C5AR1: variants seen among roughly 807,000 people sequenced by gnomAD.
The protein encoded by C5AR1 is complement C5a receptor 1.
Under a neutral mutation model 2.4 loss-of-function variants are expected in C5AR1, and 4 were observed. The ratio of observed to expected loss-of-function variants is 1.65; its 90% CI spans 0.81 to 3.77. C5AR1 has a LOEUF of 3.77. Among genes scored for constraint, C5AR1 ranks in the 30% most tolerant of loss-of-function variants. The pLI, the probability that C5AR1 is intolerant of heterozygous loss-of-function variation, is 0.01. For missense variants in C5AR1, 418 were observed against 462.5 expected, an observed-to-expected ratio of 0.90 and a Z score of 0.88; for synonymous variants, 209 against 210.4, an observed-to-expected ratio of 0.99 and a Z score of 0.06.
Position 47,309,894 on chromosome 19 carries a change from A to G in C5AR1, c.-2A>G. The G allele has an allele frequency of 6.2e-7, 1 of 1,612,894 alleles. No homozygotes were observed. Among genetic ancestry groups the G allele is most frequent in the Non-Finnish European group, 8.5e-7 (1 of 1,179,424 alleles). ...TCCTCGGGGAGCCCAGGAGACCAGA[A>G]CATGGTGAGTCTCGAAGGGGAATGG... On this transcript the variant is annotated 5_prime_UTR_variant, in exon 1 of 2. Coordinates refer to ENST00000355085, the MANE Select transcript of C5AR1 (RefSeq NM_001736.4).
intron 1 of C5AR1, 48 bp from the exon 2 acceptor site, chr19:47,319,733 G>A (rs1032829565): frequency 3.2e-6 from 4 of 1,264,512 alleles, no homozygotes; most frequent in Non-Finnish European, 4.5e-6. Context: ...CCCTACCCGG[G>A]CACATGTCTG....
At chr19:47,319,026 C>A (rs1229066096) in intron 1 of C5AR1, among the ~76,000 whole-genome samples, 1 of 151,468 alleles carries the variant, frequency 6.6e-6, no homozygotes, top group Non-Finnish European at 1.5e-5. Flanking sequence ...GCTGGGATTA[C>A]AGGCGCCCAC....
chr19:47,320,887 C>T lies in C5AR1; in HGVS notation c.*57C>T, dbSNP rs1300686896. On this transcript the variant is annotated 3_prime_UTR_variant, in exon 2 of 2. Transcript: ENST00000355085. This position sits in a 1 kb window ranked among gnomAD's most constrained non-coding sequence, Gnocchi z 4.9. ...GTCCCCTTCCTTCCCGGCCATTCTC[C>T]CTCTTGTTTTCACTTCACTTTTCGT... The T allele has an allele frequency of 6.8e-7, 1 of 1,475,272 alleles. No individual in the cohort carries two copies. The allele number at this position is 1,475,272 out of a possible 1,614,324, so 91.4% of individuals were successfully genotyped here.
intron 1 of C5AR1, among the ~76,000 whole-genome samples, chr19:47,317,201 A>G (rs2059292310): frequency 6.6e-6 from 1 of 150,692 alleles, no homozygotes; most frequent in Admixed American, 6.6e-5. Context: ...TCAAAAAAAA[A>G]AAAAAAAAAA....
intron 1 of C5AR1, among the ~76,000 whole-genome samples, 158 bp downstream of exon 1, chr19:47,310,056 C>G (rs1206318157): frequency 6.6e-6 from 1 of 152,192 alleles, no homozygotes; most frequent in African/African-American, 2.4e-5. Flanking sequence ...CCTTCCCTCT[C>G]TCCTGCATCC....
rs4804049 is a variant in C5AR1 at position 47,320,227 on chromosome 19, T to C, written c.450T>C (p.Ala150=). Residue 150 remains alanine (A), a synonymous_variant, in exon 2 of 2, where the codon GCT becomes GCC. Transcript: ENST00000355085. This position sits in a 1 kb window ranked among gnomAD's most constrained non-coding sequence, Gnocchi z 4.9. ...KPIWCQNFRG[A]GLAWIACAVA... ...TCTGGTGCCAGAACTTCCGAGGGGC[T>C]GGCTTGGCCTGGATCGCCTGTGCCG... The C allele has an allele frequency of 0.99, 1,593,120 of 1,614,130 alleles. 786,282 individuals are homozygous for C. Among genetic ancestry groups the C allele is most frequent in the East Asian group, 1 (44,875 of 44,878 alleles).
chr19:47,319,793 T>A lies in C5AR1; in HGVS notation c.16T>A (p.Tyr6Asn). Residue 6 changes from tyrosine (Y) to asparagine (N), a missense_variant, in exon 2 of 2, where the codon TAT becomes AAT. Tyr to Asn is a moderately radical substitution (Grantham distance 143). Coordinates refer to ENST00000355085, the MANE Select transcript of C5AR1 (RefSeq NM_001736.4). MDSFNYTTPDYGHYDD... is the reference protein window; with the variant it reads MDSFNNTTPDYGHYDD... ...CGATTCCCCTTAGGACTCCTTCAAT[T>A]ATACCACCCCTGATTATGGGCACTA... 1 of 1,609,112 alleles carries A rather than the reference T, an allele frequency of 6.2e-7. No homozygotes were observed.
chr19:47,319,444 G>C (rs1368760352), intron 1 of C5AR1, among the ~76,000 whole-genome samples: 1 of 151,556 alleles, frequency 6.6e-6, no homozygotes, highest in African/African-American at 2.4e-5. Context: ...GAGTAGCTGG[G>C]ACTACAGGCA....
chr19:47,316,200 G>A (rs1482160137), intron 1 of C5AR1, among the ~76,000 whole-genome samples: 1 of 151,934 alleles, frequency 6.6e-6, no homozygotes, highest in Non-Finnish European at 1.5e-5. Context: ...TGGAGATGGG[G>A]TTTCACTATG....
chr19:47,309,771 G>C, upstream of C5AR1: 1 of 1,057,208 alleles, frequency 9.5e-7, no homozygotes, highest in South Asian at 1.4e-5. Context: ...CCAGTGTGCA[G>C]ACCAATGAGA....
intron 1 of C5AR1, 61 bp downstream of exon 1, chr19:47,309,959 C>G: frequency 6.4e-7 from 1 of 1,563,284 alleles, no homozygotes; most frequent in South Asian, 1.1e-5. Flanking sequence ...CATCTTTGCT[C>G]CAGTGGGTCC....
intron 1 of C5AR1, among the ~76,000 whole-genome samples, chr19:47,312,127 C>T (rs2059272995): frequency 6.6e-6 from 1 of 152,134 alleles, no homozygotes; most frequent in South Asian, 2.1e-4. Flanking sequence ...GCTCTGTTGC[C>T]CAGGCTAGAG....
At chr19:47,311,305 A>G (rs1234653886) in intron 1 of C5AR1, among the ~76,000 whole-genome samples, 1 of 151,818 alleles carries the variant, frequency 6.6e-6, no homozygotes, top group African/African-American at 2.4e-5. Context: ...AGGTCAGGAG[A>G]TTGAGACCAT....
intron 1 of C5AR1, among the ~76,000 whole-genome samples, chr19:47,317,523 T>A (rs997382399): frequency 0.02 from 2,006 of 102,150 alleles, 42 homozygotes; most frequent in African/African-American, 0.075. Flanking sequence ...AAAAAAAATA[T>A]ATATATATAT....
rs367719223 is a variant in C5AR1 at position 47,320,825 on chromosome 19, G to A, written c.1048G>A (p.Val350Met). Residue 350 changes from valine (V) to methionine (M), a missense_variant, in exon 2 of 2, where the codon GTG (valine) becomes ATG (methionine). Val to Met is a conservative substitution (Grantham distance 21). Coordinates refer to ENST00000355085, the MANE Select transcript of C5AR1 (RefSeq NM_001736.4). The surrounding 1 kb of genome is among the most constrained non-coding windows in gnomAD (Gnocchi z 4.9). ...CACTATGGCCCAGAAGACCCAGGCA[G>A]TGTAGGCGACAGCCTCATGGGCCAC... ...VDTMAQKTQA[V>M] 2.5e-6 allele frequency: 4 copies of A among 1,604,872 alleles called. No homozygotes were observed. Among genetic ancestry groups the A allele is most frequent in the Non-Finnish European group, 3.4e-6 (4 of 1,172,988 alleles).
intron 1 of C5AR1, among the ~76,000 whole-genome samples, chr19:47,315,758 A>G (rs571150166): frequency 2.0e-5 from 3 of 152,244 alleles, no homozygotes; most frequent in African/African-American, 4.8e-5. Context: ...GGAGCGGGCA[A>G]TAGAAGAAGT....
Position 47,320,374 on chromosome 19 carries a change from G to T in C5AR1, c.597G>T (p.Glu199Asp). The T allele has an allele frequency of 6.2e-7, 1 of 1,609,706 alleles. No individual in the cohort carries two copies. Residue 199 changes from glutamate to aspartate, a missense_variant, in exon 2 of 2, where the codon GAG becomes GAT. Physicochemically the swap from Glu to Asp is conservative, Grantham distance 45 (BLOSUM62 2). Coordinates refer to ENST00000355085, the MANE Select transcript of C5AR1 (RefSeq NM_001736.4). The surrounding 1 kb of genome is among the most constrained non-coding windows in gnomAD (Gnocchi z 4.9). ...GVDYSHDKRR[E>D]RAVAIVRLVL... ...ACTACAGCCACGACAAACGGCGGGA[G>T]CGAGCCGTGGCCATCGTCCGGCTGG...
chr19:47,309,783 C>A, upstream of C5AR1: 2 of 1,181,162 alleles, frequency 1.7e-6, no homozygotes, highest in South Asian at 1.3e-5. Flanking sequence ...CCAATGAGAG[C>A]CCCAGAGAGA....
chr19:47,320,497 A>G lies in C5AR1; in HGVS notation c.720A>G (p.Thr240=). 1.9e-6 allele frequency: 3 copies of G among 1,613,756 alleles called. No homozygotes were observed. Among genetic ancestry groups the G allele is most frequent in the Non-Finnish European group, 2.5e-6 (3 of 1,179,962 alleles). Residue 240 remains threonine, a synonymous_variant, in exon 2 of 2, where the codon ACA becomes ACG. Transcript: ENST00000355085. This position sits in a 1 kb window ranked among gnomAD's most constrained non-coding sequence, Gnocchi z 4.9. The part of the protein sequence containing the change: ...WSRRATRSTK[T]LKVVVAVVAS... Reference sequence around the variant, plus strand: ...GCAGGGCCACGCGGTCCACCAAGACACTCAAGGTGGTGGTGGCAGTGGTGG... The same window carrying G: ...GCAGGGCCACGCGGTCCACCAAGACGCTCAAGGTGGTGGTGGCAGTGGTGG...
Sources: gnomAD v4.1 joint callset for allele counts (sites outside exome capture counted in the v4.1 genomes callset) on GRCh38, gnomAD v4.1.1 for gene constraint, Gnocchi (gnomAD v3.1) non-coding constraint, MANE v1.5 for transcripts, NCBI Gene and HGNC (gene_info 2026-07-23, HGNC 2026-07-21) for gene names.